Variants in LRRC9 observed in about 807,000 individuals in gnomAD.
LRRC9 encodes leucine-rich repeat-containing protein 9.
Under a neutral mutation model 63.2 loss-of-function variants are expected in LRRC9, and 122 were observed. The observed-to-expected ratio is 1.93, with a 90% CI of 1.67 to 2.24. The LOEUF (loss-of-function observed/expected upper bound fraction) is 2.24, where lower values mean the gene tolerates loss of function less well. Among genes scored for constraint, LRRC9 ranks in the 30% most tolerant of loss-of-function variants. LRRC9 has a pLI of 0.00. For synonymous variants in LRRC9, 366 were observed against 213.1 expected, an observed-to-expected ratio of 1.72 and a Z score of -6.25; for missense variants, 1,071 against 627.7, an observed-to-expected ratio of 1.71 and a Z score of -7.55.
At chr14:60,065,466 G>A (rs1298112744), downstream of LRRC9, among the ~76,000 whole-genome samples, 1 of 150,924 alleles carries the variant, frequency 6.6e-6, no homozygotes, top group Non-Finnish European at 1.5e-5. Flanking sequence ...TGGCCAACAA[G>A]GCAAAGCCCC....
chr14:59,995,547 T>C (rs1431936665), intron 17 of LRRC9, among the ~76,000 whole-genome samples: 1 of 152,210 alleles, frequency 6.6e-6, no homozygotes, highest in African/African-American at 2.4e-5. Context: ...TGTACTGTAC[T>C]GTACTGTAAC....
At chr14:60,041,409 A>C (rs1892931177) in intron 29 of LRRC9, among the ~76,000 whole-genome samples, 1 of 152,170 alleles carries the variant, frequency 6.6e-6, no homozygotes, top group Admixed American at 6.5e-5. Flanking sequence ...TCACACGTAG[A>C]TATGGTCTTT....
At chr14:59,939,002 TACATATATAC>T (rs1881418049) in intron 7 of LRRC9, among the ~76,000 whole-genome samples, 1 of 117,056 alleles carries the variant, frequency 8.5e-6, no homozygotes, top group East Asian at 3.2e-4. Context: ...TATATACATA[TACATATATAC>T]ACATATATAT....
rs559658530 is a variant in LRRC9 at position 59,962,717 on chromosome 14, T to A, written c.1211+1672T>A. Reference sequence around the variant, plus strand: ...TGTGCCCAGCTCCAAACAGGATTTTTAAAAATTATTTGTTTCTTTTTAAAT... The same window carrying A: ...TGTGCCCAGCTCCAAACAGGATTTTAAAAAATTATTTGTTTCTTTTTAAAT... On this transcript the variant is annotated intron_variant, in intron 10 of 31. Transcript: ENST00000445360. The surrounding 1 kb of genome is among the most constrained non-coding windows in gnomAD (Gnocchi z 5.1). 3.3e-5 allele frequency among the ~76,000 whole-genome samples: 5 copies of A among 152,088 alleles called. No homozygotes were observed. In the East Asian group the frequency reaches 9.6e-4, roughly 29 times the overall value.
chr14:60,004,648 C>T lies in LRRC9; in HGVS notation c.2842+850C>T, dbSNP rs556366260. Among the ~76,000 whole-genome samples, 24 of 152,012 alleles carry T rather than the reference C, an allele frequency of 1.6e-4. No individual in the cohort carries two copies. The highest frequency in any genetic ancestry group is 2.7e-4 in the Non-Finnish European group (18 of 67,920). On this transcript the variant is annotated intron_variant, in intron 21 of 31. Coordinates refer to ENST00000445360, the Ensembl canonical transcript of LRRC9. The surrounding 1 kb of genome is among the most constrained non-coding windows in gnomAD (Gnocchi z 4.8). Reference sequence around the variant, plus strand: ...AGCTAAAAATCATGAGTTTAGAGAACATGTCCTAGAATATATACTACTAAG... The same window carrying T: ...AGCTAAAAATCATGAGTTTAGAGAATATGTCCTAGAATATATACTACTAAG...
chr14:60,037,551 G>A (rs1052793610), intron 29 of LRRC9, among the ~76,000 whole-genome samples: 1 of 152,186 alleles, frequency 6.6e-6, no homozygotes, highest in Non-Finnish European at 1.5e-5. Context: ...TCTGTTGGCT[G>A]CATAAATGTC....
chr14:60,013,034 G>A (rs1036863472), intron 23 of LRRC9, among the ~76,000 whole-genome samples: 1 of 151,024 alleles, frequency 6.6e-6, no homozygotes, highest in Non-Finnish European at 1.5e-5. Flanking sequence ...ATGTATACAT[G>A]TGCCATGTTG....
intron 8 of LRRC9, among the ~76,000 whole-genome samples, chr14:59,947,867 G>A (rs1426732527): frequency 4.6e-5 from 7 of 151,534 alleles, no homozygotes; most frequent in South Asian, 2.1e-4. Context: ...ATTGATCTAT[G>A]TCTCTGTTTT....
intron 8 of LRRC9, among the ~76,000 whole-genome samples, chr14:59,946,501 T>C (rs1882416368): frequency 6.6e-6 from 1 of 150,874 alleles, no homozygotes; most frequent in African/African-American, 2.4e-5. Flanking sequence ...TCTTTTTTTT[T>C]GTCTTTTTTT....
chr14:60,010,537 C>T (rs898441991), intron 23 of LRRC9, among the ~76,000 whole-genome samples: 5 of 152,272 alleles, frequency 3.3e-5, no homozygotes, highest in East Asian at 1.9e-4. Context: ...GCCCTGGAGA[C>T]GTTTTCCCCA....
At chr14:60,020,661 C>G (rs1389961639) in intron 26 of LRRC9, among the ~76,000 whole-genome samples, 1 of 151,908 alleles carries the variant, frequency 6.6e-6, no homozygotes, top group Non-Finnish European at 1.5e-5. Context: ...CCCAAACAAC[C>G]TCTAATCTGT....
At chr14:59,968,151 C>T (rs1472453512) in intron 12 of LRRC9, among the ~76,000 whole-genome samples, 4 of 152,116 alleles carry the variant, frequency 2.6e-5, no homozygotes, top group Non-Finnish European at 1.5e-5. Flanking sequence ...AAACATTATG[C>T]TAGAGAAATA....
chr14:60,062,685 C>T (rs1894727113), intron 31 of LRRC9, among the ~76,000 whole-genome samples: 1 of 152,218 alleles, frequency 6.6e-6, no homozygotes, highest in African/African-American at 2.4e-5. Flanking sequence ...AGCCTAAGAA[C>T]ATTGCTAGTT....
chr14:59,967,103 C>T lies in LRRC9; in HGVS notation c.1396C>T (p.Arg466Ter), dbSNP rs941311710. 7.8e-6 allele frequency: 5 copies of T among 637,242 alleles called. No homozygotes were observed. The highest frequency in any genetic ancestry group is 2.1e-5 in the Admixed American group (1 of 47,988). 39.5% of individuals were successfully genotyped at this position (637,242 alleles called of 1,614,324 possible). ...GTTTCAATTATTCTTAAGGAGCTAC[C>T]GAAGGATGCTGGAATGCCTTTTTTA... is the stretch of plus-strand genomic sequence containing the variant. Residue 466 changes from arginine to a stop codon, truncating the protein, a stop_gained, in exon 12 of 32, where the codon CGA becomes TGA. Coordinates refer to ENST00000445360, the Ensembl canonical transcript of LRRC9. LOFTEE classifies it high-confidence loss of function.
chr14:59,933,824 T>G (rs1187193583), intron 6 of LRRC9, among the ~76,000 whole-genome samples: 1 of 152,036 alleles, frequency 6.6e-6, no homozygotes, highest in African/African-American at 2.4e-5. Context: ...GGCAGGGAAG[T>G]GAGAAATCAA....
At chr14:59,974,817 T>C (rs745494869) in intron 13 of LRRC9, 109 bp downstream of exon 13, 29 of 486,354 alleles carry the variant, frequency 6.0e-5, no homozygotes, top group Non-Finnish European at 9.3e-5. Flanking sequence ...GGAGATGTTC[T>C]TCAAACCATT....
chr14:59,994,676 T>A (rs1357129176), intron 17 of LRRC9, among the ~76,000 whole-genome samples: 1 of 152,200 alleles, frequency 6.6e-6, no homozygotes, highest in African/African-American at 2.4e-5. Flanking sequence ...GAATACTATG[T>A]GGCCATAAAA....
chr14:59,989,994 C>G (rs1219890390), intron 17 of LRRC9, among the ~76,000 whole-genome samples: 1 of 147,502 alleles, frequency 6.8e-6, no homozygotes, highest in East Asian at 2.0e-4. Context: ...GTGGCGCAAT[C>G]TCGGCTCACC....
intron 29 of LRRC9, among the ~76,000 whole-genome samples, chr14:60,048,281 CTG>C (rs1893601408): frequency 6.6e-6 from 1 of 151,994 alleles, no homozygotes; most frequent in Non-Finnish European, 1.5e-5. Context: ...CAAGAAATAA[CTG>C]AGATCAGAGC....
Sources: allele counts gnomAD v4.1 joint callset (sites outside exome capture counted in the v4.1 genomes callset), GRCh38; gene constraint gnomAD v4.1.1; non-coding constraint Gnocchi (gnomAD v3.1); transcripts MANE v1.5; gene names NCBI Gene and HGNC (gene_info 2026-07-23, HGNC 2026-07-21).